Variants in TENM3 observed in about 807,000 individuals in gnomAD.
TENM3 encodes teneurin-3.
A neutral mutation model predicts 255.1 loss-of-function variants in TENM3; 63 were observed. That is an observed-to-expected ratio of 0.25 (90% CI 0.20 to 0.30). The LOEUF is 0.30. Among genes scored for constraint, TENM3 ranks in the 10% least tolerant of loss-of-function variants. The pLI is 1.00. For missense variants in TENM3, 2,929 were observed against 3,461.1 expected, an observed-to-expected ratio of 0.85 and a Z score of 3.86; for synonymous variants, 1,306 against 1,322.3, an observed-to-expected ratio of 0.99 and a Z score of 0.27.
intron 3 of TENM3, among the ~76,000 whole-genome samples, chr4:182,393,662 G>T (rs189406964): frequency 1.7e-3 from 252 of 152,184 alleles, no homozygotes; most frequent in Non-Finnish European, 2.7e-3. Flanking sequence ...TCTTTTATGT[G>T]ATCCTTTGCA....
chr4:182,576,714 CAA>C (rs1337599464), intron 3 of TENM3, among the ~76,000 whole-genome samples: 1 of 152,134 alleles, frequency 6.6e-6, no homozygotes. Flanking sequence ...TTTATACACT[CAA>C]TACAATACTA....
intron 12 of TENM3, among the ~76,000 whole-genome samples, chr4:182,695,477 C>T (rs978165375): frequency 1.3e-5 from 2 of 152,054 alleles, no homozygotes; most frequent in African/African-American, 2.4e-5. Context: ...TTGAGAATTC[C>T]GATAAGGAGA....
At chr4:182,214,370 G>A (rs1313403040) in intron 1 of TENM3, among the ~76,000 whole-genome samples, 1 of 152,034 alleles carries the variant, frequency 6.6e-6, no homozygotes, top group Admixed American at 6.6e-5. Context: ...GATATCCTTG[G>A]AAATCTTGAA....
In TENM3 at chr4:182,333,333, C is replaced by A. The variant is rs1763900832; in HGVS notation, c.232+9081C>A. ...TGTAAAAATTCAAAACAAGTATTTG[C>A]ATTTAAGAATCCAGCAATATATAAA... On this transcript the variant is annotated intron_variant, in intron 2 of 27. Coordinates refer to ENST00000511685, the MANE Select transcript of TENM3 (RefSeq NM_001080477.4). Among the ~76,000 whole-genome samples the A allele has an allele frequency of 2.0e-5, 3 of 152,134 alleles. 1 individual carries two copies. The South Asian group carries it at 6.2e-4, about 31-fold the overall frequency.
rs562137207 is a variant in TENM3, at chr4:182,213,825, A to G, written c.-76+69071A>G. Among the ~76,000 whole-genome samples, 82 of 152,216 alleles carry G rather than the reference A, an allele frequency of 5.4e-4. 2 individuals are homozygous for G. The South Asian group carries it at 0.015, about 27-fold the overall frequency. On this transcript the variant is annotated intron_variant, in intron 1 of 2. Transcript: ENST00000512480. Reference sequence around the variant, plus strand: ...TTTCATGTTTTTATTTTTTTGAGACAGAGTCTCCCTCTGTCGCCCAGGCTG... The same window carrying G: ...TTTCATGTTTTTATTTTTTTGAGACGGAGTCTCCCTCTGTCGCCCAGGCTG...
chr4:182,619,580 A>T (rs368540701), intron 4 of TENM3, among the ~76,000 whole-genome samples: 3 of 152,202 alleles, frequency 2.0e-5, no homozygotes, highest in Non-Finnish European at 4.4e-5. Flanking sequence ...TCCTTCCTAT[A>T]TATGTTTTAG....
At chr4:181,714,375 G>A in the TENM3 span, among the ~76,000 whole-genome samples, 3 of 152,164 alleles carry the variant, frequency 2.0e-5, no homozygotes, top group Non-Finnish European at 4.4e-5. Flanking sequence ...CCTGGGAGGT[G>A]GAGGCTGCAA....
chr4:181,632,892 A>T, the TENM3 span, among the ~76,000 whole-genome samples: 1 of 152,208 alleles, frequency 6.6e-6, no homozygotes, highest in Non-Finnish European at 1.5e-5. Flanking sequence ...ATAAATCTTC[A>T]GTAGTAGTCC....
intron 1 of TENM3, among the ~76,000 whole-genome samples, chr4:182,178,788 A>G (rs1218805472): frequency 6.6e-6 from 1 of 152,214 alleles, no homozygotes; most frequent in East Asian, 1.9e-4. Flanking sequence ...ACCCTGGGAC[A>G]ATGTAAGCAT....
In TENM3 at chr4:182,728,888, A is replaced by G. The variant is rs958556338; in HGVS notation, c.2369-77A>G. 15 of 1,130,540 alleles carry G rather than the reference A, an allele frequency of 1.3e-5. No individual in the cohort carries two copies. The African/African-American group carries it at 2.3e-4, about 17-fold the overall frequency. The allele number at this position is 1,130,540 out of a possible 1,614,324, so 70.0% of individuals were successfully genotyped here. On this transcript the variant is annotated intron_variant, in intron 13 of 27. Coordinates refer to ENST00000511685, the MANE Select transcript of TENM3 (RefSeq NM_001080477.4). ...CACTTGATGTGAAAAAAAAAAAAAC[A>G]GTCAAGAAACAAAACTGATTCTACA...
At chr4:181,680,512 G>A in the TENM3 span, among the ~76,000 whole-genome samples, 1 of 152,106 alleles carries the variant, frequency 6.6e-6, no homozygotes, top group Non-Finnish European at 1.5e-5. Context: ...GCAACCAATT[G>A]TTGGATATTG....
chr4:181,940,423 G>A, the TENM3 span, among the ~76,000 whole-genome samples: 22 of 152,070 alleles, frequency 1.4e-4, no homozygotes, highest in African/African-American at 5.1e-4. Context: ...TATTTACTAC[G>A]CATTGAATCC....
chr4:182,015,142 G>A, the TENM3 span, among the ~76,000 whole-genome samples: 3 of 152,166 alleles, frequency 2.0e-5, no homozygotes, highest in Non-Finnish European at 4.4e-5. Context: ...CAATACAAGG[G>A]GTGTTCGCGG....
At chr4:182,559,127 A>ATTTTTTTTTTTTTTTTTTT (rs70956518) in intron 3 of TENM3, among the ~76,000 whole-genome samples, 1 of 107,480 alleles carries the variant, frequency 9.3e-6, no homozygotes, top group African/African-American at 3.8e-5. Flanking sequence ...ATTCCTCGGG[A>ATTTTTTTTTTTTTTTTTTT]TTTTTTTTTT....
the TENM3 span, among the ~76,000 whole-genome samples, chr4:181,999,757 G>A: frequency 6.6e-6 from 1 of 152,060 alleles, no homozygotes; most frequent in South Asian, 2.1e-4. Flanking sequence ...TAATGAAGAT[G>A]TTTTGTTATT....
the TENM3 span, among the ~76,000 whole-genome samples, chr4:181,636,497 A>T: frequency 6.6e-6 from 1 of 152,182 alleles, no homozygotes; most frequent in South Asian, 2.1e-4. Flanking sequence ...TTGGCCAAAT[A>T]ACAGACACCA....
intron 5 of TENM3, among the ~76,000 whole-genome samples, chr4:182,642,179 CTT>C (rs754162490): frequency 1.3e-5 from 2 of 152,210 alleles, no homozygotes; most frequent in South Asian, 2.1e-4. Flanking sequence ...ACGGTTAACA[CTT>C]TGTTCTTTCC....
chr4:181,586,658 G>T, the TENM3 span, among the ~76,000 whole-genome samples: 2 of 152,082 alleles, frequency 1.3e-5, no homozygotes, highest in East Asian at 1.9e-4. Context: ...TGGCCAACAC[G>T]ATGAAACCCT....
chr4:182,665,032 A>C (rs1754546376), intron 6 of TENM3, among the ~76,000 whole-genome samples: 1 of 152,202 alleles, frequency 6.6e-6, no homozygotes, highest in Non-Finnish European at 1.5e-5. Flanking sequence ...ACAGATTTTC[A>C]ATGTAGATGA....
Sources: allele counts gnomAD v4.1 joint callset (sites outside exome capture counted in the v4.1 genomes callset), GRCh38; gene constraint gnomAD v4.1.1; transcripts MANE v1.5; gene names NCBI Gene and HGNC (gene_info 2026-07-23, HGNC 2026-07-21).